The following NR3C2 variants were observed in gnomAD, a reference collection of about 807,000 sequenced individuals.
NR3C2 encodes the protein nuclear receptor subfamily 3 group C member 2, also known as mineralocorticoid receptor.
Under a neutral mutation model 86.4 loss-of-function variants are expected in NR3C2, and 15 were observed. The ratio of observed to expected loss-of-function variants is 0.17; its 90% CI spans 0.12 to 0.27. The LOEUF (loss-of-function observed/expected upper bound fraction) is 0.27. NR3C2 is among the 10% of genes least tolerant of loss of function. NR3C2 has a pLI of 1.00. For synonymous variants in NR3C2, 458 were observed against 450.5 expected (o/e 1.02, Z -0.21); for missense variants, 960 against 1,195.6 (o/e 0.80, Z 2.91).
intron 4 of NR3C2, among the ~76,000 whole-genome samples, chr4:148,180,445 T>C (rs1305600577): frequency 2.0e-5 from 3 of 152,186 alleles, no homozygotes; most frequent in Non-Finnish European, 4.4e-5. Context: ...CCTTTGGCCA[T>C]CTGTGTGTCT....
chr4:148,079,002 AT>A lies in NR3C2; in HGVS notation c.*2341del, dbSNP rs1358231078. On this transcript the variant is annotated 3_prime_UTR_variant, in exon 9 of 9. Transcript: ENST00000358102. ...ACAGGCATTCAACAGTGAATTTAGAATATGGCTTTGCTGTTTAATCAAGCAA... is the reference window on the plus strand; with the variant it reads ...ACAGGCATTCAACAGTGAATTTAGAAATGGCTTTGCTGTTTAATCAAGCAA... 2.0e-5 allele frequency: 3 copies of A among 152,654 alleles called. No individual in the cohort carries two copies. The highest frequency in any genetic ancestry group is 4.4e-5 in the Non-Finnish European group (3 of 68,040). The allele number at this position is 152,654 out of a possible 1,614,324, so 9.5% of individuals were successfully genotyped here. A position where few individuals can be genotyped will look rare whatever the true frequency, so the allele number is the denominator to read the frequency against.
rs762523023 is a variant in NR3C2, at chr4:148,141,615, C to G, written c.2510+10854G>C. Among the ~76,000 whole-genome samples the G allele has an allele frequency of 1.1e-3, 168 of 152,250 alleles. 3 individuals are homozygous for G. The highest frequency in any genetic ancestry group is 1.8e-3 in the Admixed American group (27 of 15,288). On this transcript the variant is annotated intron_variant, in intron 6 of 8. Coordinates refer to ENST00000358102, the MANE Select transcript of NR3C2 (RefSeq NM_000901.5). ...AAGAAGTACTATAGAGCAGGGGTCC[C>G]CAAGCCTGGGGCCACAGACTGTATT...
chr4:148,094,046 C>A (rs1001036413), intron 8 of NR3C2, among the ~76,000 whole-genome samples: 3 of 152,158 alleles, frequency 2.0e-5, no homozygotes, highest in Middle Eastern at 3.4e-3. Flanking sequence ...GCCATTTCTC[C>A]AAAGAAGATA....
At position 148,419,831 on chromosome 4, in the gene NR3C2, CAG is replaced by C. The variant is rs1452236048; in HGVS notation, c.1757+15271_1757+15272del. Among the ~76,000 whole-genome samples the C allele has an allele frequency of 1.2e-4, 18 of 152,246 alleles. No individual in the cohort carries two copies. The East Asian group carries it at 3.5e-3, about 29-fold the overall frequency. Reference sequence around the variant, plus strand: ...GTTCTCCACCAGCTCACAATATTACCAGACAGTTCATTTCAATAATAATTAAG... The same window carrying C: ...GTTCTCCACCAGCTCACAATATTACCACAGTTCATTTCAATAATAATTAAG... On this transcript the variant is annotated intron_variant, in intron 2 of 8. Transcript: ENST00000358102.
At chr4:148,375,253 C>A (rs958793709) in intron 2 of NR3C2, among the ~76,000 whole-genome samples, 1 of 152,080 alleles carries the variant, frequency 6.6e-6, no homozygotes, top group Admixed American at 6.6e-5. Context: ...GTCGGTAGTT[C>A]GAAACCAGCC....
At chr4:148,097,223 A>G (rs935543338) in intron 8 of NR3C2, among the ~76,000 whole-genome samples, 2 of 151,814 alleles carry the variant, frequency 1.3e-5, no homozygotes, top group African/African-American at 2.4e-5. Flanking sequence ...CAAATAGACA[A>G]CCTCTGTCAT....
At chr4:148,316,111 A>AT (rs1271144276) in intron 2 of NR3C2, among the ~76,000 whole-genome samples, 1 of 152,158 alleles carries the variant, frequency 6.6e-6, no homozygotes, top group Non-Finnish European at 1.5e-5. Context: ...AATTAATACA[A>AT]TTTTTTTCAT....
At chr4:148,272,233 T>G (rs924280744) in intron 2 of NR3C2, among the ~76,000 whole-genome samples, 4 of 152,190 alleles carry the variant, frequency 2.6e-5, no homozygotes, top group Admixed American at 1.3e-4. Context: ...ATACATTAAC[T>G]TCTATGACAA....
Position 148,436,748 on chromosome 4 carries a change from T to C in NR3C2, c.113A>G (p.Asp38Gly). 1 of 1,614,182 alleles carries C rather than the reference T, an allele frequency of 6.2e-7. No individual in the cohort carries two copies. Among genetic ancestry groups the C allele is most frequent in the Non-Finnish European group, 8.5e-7 (1 of 1,180,030 alleles). Residue 38 changes from aspartate (D) to glycine (G), a missense_variant, in exon 2 of 9, where the codon GAT (aspartate) becomes GGT (glycine). Asp to Gly is a moderately conservative substitution (Grantham distance 94). Transcript: ENST00000358102. ...GACAATCTCCATGTAGTTATTCTCA[T>C]CGGTCCTCTCTGTAGGTCCCAGGGA... ...RSSLGPTERT[D>G]ENNYMEIVNV...
At chr4:148,316,402 TTTAGA>T (rs1385020349) in intron 2 of NR3C2, among the ~76,000 whole-genome samples, 1 of 152,128 alleles carries the variant, frequency 6.6e-6, no homozygotes, top group African/African-American at 2.4e-5. Context: ...TAAGGAGAAA[TTTAGA>T]TTATTTACTT....
rs572015871 is a variant in NR3C2 at position 148,212,121 on chromosome 4, A to T, written c.1898-17259T>A. On this transcript the variant is annotated intron_variant, in intron 3 of 8. Transcript: ENST00000358102. The stretch of plus-strand genomic sequence containing the variant: ...AGGAGCCAGCTAACACTGGCTGAGC[A>T]CTATCACAAGTTGGGCCCCGCAGCA... 3.0e-4 allele frequency among the ~76,000 whole-genome samples: 46 copies of T among 152,302 alleles called. 1 individual carries two copies. The highest frequency in any genetic ancestry group is 1.1e-3 in the African/African-American group (45 of 41,576).
chr4:148,114,377 T>C (rs1247478588), intron 7 of NR3C2, 116 bp from the exon 8 acceptor site: 26 of 1,115,578 alleles, frequency 2.3e-5, no homozygotes, highest in Admixed American at 8.0e-5. Context: ...ATTAATTGCA[T>C]TTATGAATAA....
At chr4:148,115,577 G>A (rs1241281131) in intron 7 of NR3C2, among the ~76,000 whole-genome samples, 3 of 152,158 alleles carry the variant, frequency 2.0e-5, no homozygotes, top group Admixed American at 6.5e-5. Context: ...TTGGAGACTT[G>A]GAGATGGTGC....
chr4:148,249,072 T>C (rs1453429991), intron 3 of NR3C2, among the ~76,000 whole-genome samples: 1 of 152,150 alleles, frequency 6.6e-6, no homozygotes, highest in Non-Finnish European at 1.5e-5. Flanking sequence ...GAACCTACAA[T>C]GGTGCCGCCT....
intron 2 of NR3C2, among the ~76,000 whole-genome samples, chr4:148,425,989 G>A (rs1320753323): frequency 1.3e-5 from 2 of 151,968 alleles, no homozygotes; most frequent in Non-Finnish European, 2.9e-5. Context: ...ACCTTCCCAG[G>A]ACACTGCCTC....
At chr4:148,141,421 C>CTA (rs1239703758) in intron 6 of NR3C2, among the ~76,000 whole-genome samples, 2 of 137,998 alleles carry the variant, frequency 1.4e-5, no homozygotes, top group African/African-American at 5.3e-5. Flanking sequence ...GACTCCATCT[C>CTA]TCTCTCTCTC....
intron 2 of NR3C2, among the ~76,000 whole-genome samples, chr4:148,348,156 T>A (rs1284483296): frequency 6.6e-6 from 1 of 152,140 alleles, no homozygotes; most frequent in Non-Finnish European, 1.5e-5. Flanking sequence ...GAGCATGCAA[T>A]GCTCATCTCA....
At position 148,435,672 on chromosome 4, in the gene NR3C2, A is replaced by T; in HGVS notation, c.1189T>A (p.Tyr397Asn). Residue 397 changes from tyrosine (Y) to asparagine (N), a missense_variant, in exon 2 of 9, where the codon TAC becomes AAC. By Grantham distance (143) the Tyr-to-Asn change is moderately radical. Coordinates refer to ENST00000358102, the MANE Select transcript of NR3C2 (RefSeq NM_000901.5). ...GVTGQLNIVQ[Y>N]IKPEPDGAFS... ...GCTCCATCTGGTTCTGGTTTTATGT[A>T]CTGGACAATATTAAGCTGGCCAGTC... 1 of 1,614,154 alleles carries T rather than the reference A, an allele frequency of 6.2e-7. No individual in the cohort carries two copies. The highest frequency in any genetic ancestry group is 8.5e-7 in the Non-Finnish European group (1 of 1,180,044).
intron 6 of NR3C2, among the ~76,000 whole-genome samples, chr4:148,122,739 C>T (rs1732566071): frequency 6.6e-6 from 1 of 152,196 alleles, no homozygotes; most frequent in Non-Finnish European, 1.5e-5. Flanking sequence ...AGTTCCCAAA[C>T]ACTACTTTTA....
Sources: allele counts gnomAD v4.1 joint callset (sites outside exome capture counted in the v4.1 genomes callset), GRCh38; gene constraint gnomAD v4.1.1; transcripts MANE v1.5; gene names NCBI Gene and HGNC (gene_info 2026-07-23, HGNC 2026-07-21).